CDH4: variants seen among roughly 807,000 people sequenced by gnomAD.
The protein encoded by CDH4 is cadherin-4.
CDH4 carries 33 observed loss-of-function variants against 86.0 expected under a neutral mutation model. That is an observed-to-expected ratio of 0.38 (90% CI 0.29 to 0.51). CDH4 has a LOEUF of 0.51. CDH4 is among the 20% of genes least tolerant of loss of function. CDH4 has a pLI of 0.86. For missense variants in CDH4, 1,114 were observed against 1,307.4 expected (o/e 0.85, Z 2.28); for synonymous variants, 555 against 549.4 (o/e 1.01, Z -0.14).
chr20:61,854,581 G>A (rs1982900441), intron 6 of CDH4, among the ~76,000 whole-genome samples: 1 of 148,750 alleles, frequency 6.7e-6, no homozygotes, highest in Non-Finnish European at 1.5e-5. Context: ...TGTGAACAGG[G>A]TGAATTGTGC....
intron 2 of CDH4, among the ~76,000 whole-genome samples, chr20:61,402,473 C>A (rs140738999): frequency 6.6e-6 from 1 of 152,144 alleles, no homozygotes; most frequent in Non-Finnish European, 1.5e-5. Flanking sequence ...TGGCTCACTG[C>A]AGCCTCCTCC....
chr20:61,329,975 A>G (rs1347188994), intron 2 of CDH4, among the ~76,000 whole-genome samples: 1 of 151,902 alleles, frequency 6.6e-6, no homozygotes, highest in Non-Finnish European at 1.5e-5. Flanking sequence ...TCTGAGGATA[A>G]TGGCTTCTGG....
At chr20:61,718,871 A>C (rs1213996529) in intron 2 of CDH4, 2 of 471,096 alleles carry the variant, frequency 4.2e-6, no homozygotes, top group South Asian at 3.1e-5. Context: ...TCCTGCTGTC[A>C]GGCTGGGGAT....
chr20:61,841,074 C>T (rs1347357710), intron 4 of CDH4, among the ~76,000 whole-genome samples: 1 of 152,234 alleles, frequency 6.6e-6, no homozygotes. Flanking sequence ...TACAACCCAT[C>T]CTTCCGGCTG....
At chr20:61,933,223 T>C (rs2055136151) in intron 14 of CDH4, 99 bp downstream of exon 14, 6 of 1,445,800 alleles carry the variant, frequency 4.1e-6, no homozygotes, top group Non-Finnish European at 5.7e-6. Flanking sequence ...AGTAAGACAT[T>C]TCAACCTTTT....
At chr20:61,770,084 G>A (rs1298708698) in intron 3 of CDH4, among the ~76,000 whole-genome samples, 9 of 152,240 alleles carry the variant, frequency 5.9e-5, no homozygotes, top group Non-Finnish European at 1.0e-4. Context: ...GCTGGGTTCC[G>A]GGGAGAATGT....
intron 6 of CDH4, among the ~76,000 whole-genome samples, chr20:61,861,260 G>A (rs887569040): frequency 6.6e-6 from 1 of 152,198 alleles, no homozygotes; most frequent in African/African-American, 2.4e-5. Context: ...GCGATCATGC[G>A]GTCATCACAG....
At position 61,681,001 on chromosome 20, in the gene CDH4, C is replaced by T. The variant is rs1036364147; in HGVS notation, c.170-62562C>T. Among the ~76,000 whole-genome samples the T allele has an allele frequency of 2.6e-5, 4 of 152,220 alleles. No individual in the cohort carries two copies. The highest frequency in any genetic ancestry group is 9.7e-5 in the African/African-American group (4 of 41,444). ...AATTCCTATTTGTTCCCTCCCTTTC[C>T]ACCCATTTCTTTGGGAAGACAAATA... On this transcript the variant is annotated intron_variant, in intron 2 of 15. Transcript: ENST00000614565. This position sits in a 1 kb window ranked among gnomAD's most constrained non-coding sequence, Gnocchi z 4.5.
chr20:61,669,348 C>G (rs2087361700), intron 2 of CDH4, among the ~76,000 whole-genome samples: 2 of 152,242 alleles, frequency 1.3e-5, no homozygotes, highest in African/African-American at 4.8e-5. Context: ...GGTCCACCAT[C>G]TGGTGACCGG....
Position 61,549,695 on chromosome 20 carries a change from C to G in CDH4, c.170-193868C>G, listed in dbSNP as rs890249025. Among the ~76,000 whole-genome samples, 3 of 152,174 alleles carry G rather than the reference C, an allele frequency of 2.0e-5. No homozygotes were observed. In the South Asian group the frequency reaches 6.2e-4, roughly 32 times the overall value. On this transcript the variant is annotated intron_variant, in intron 2 of 15. Coordinates refer to ENST00000614565, the MANE Select transcript of CDH4 (RefSeq NM_001794.5). ...GAAGCCTCCGGGATGTTATGTGCAC[C>G]GCTGGGGGCCAGGCAGTGTCAGAGA...
At chr20:61,548,599 A>C (rs2086105652) in intron 2 of CDH4, among the ~76,000 whole-genome samples, 2 of 152,204 alleles carry the variant, frequency 1.3e-5, no homozygotes, top group Non-Finnish European at 2.9e-5. Context: ...TAAAAAATTA[A>C]AGCATGTTTA....
At chr20:61,423,139 G>T (rs1416221859) in intron 2 of CDH4, among the ~76,000 whole-genome samples, 1 of 152,136 alleles carries the variant, frequency 6.6e-6, no homozygotes, top group Non-Finnish European at 1.5e-5. Context: ...GAGGGATGCT[G>T]GAAGCACAAT....
At chr20:61,620,745 T>C (rs1202418127) in intron 2 of CDH4, among the ~76,000 whole-genome samples, 1 of 152,244 alleles carries the variant, frequency 6.6e-6, no homozygotes, top group Non-Finnish European at 1.5e-5. Context: ...TTTGTTTCTT[T>C]GTGTTTGTTT....
chr20:61,531,722 G>T (rs976423025), intron 2 of CDH4, among the ~76,000 whole-genome samples: 2 of 152,196 alleles, frequency 1.3e-5, no homozygotes, highest in African/African-American at 4.8e-5. Flanking sequence ...GCCCCAGCTG[G>T]CAGGGGCCAC....
chr20:61,314,245 T>G (rs1422986581), intron 2 of CDH4, among the ~76,000 whole-genome samples: 2 of 152,176 alleles, frequency 1.3e-5, no homozygotes, highest in African/African-American at 4.8e-5. Flanking sequence ...GAACTGAAAC[T>G]TTGTCCCCTT....
At chr20:61,362,782 G>A (rs2084791222) in intron 2 of CDH4, among the ~76,000 whole-genome samples, 1 of 152,056 alleles carries the variant, frequency 6.6e-6, no homozygotes, top group Non-Finnish European at 1.5e-5. Context: ...AAGGAAGGAG[G>A]TGGCGAGAGG....
At chr20:61,748,088 G>A (rs2386940) in intron 3 of CDH4, among the ~76,000 whole-genome samples, 13,918 of 152,236 alleles carry the variant, frequency 0.091, 727 homozygotes, top group African/African-American at 0.11. Flanking sequence ...GAGCTGGGGC[G>A]TTGTGGGGGG....
At chr20:61,914,156 A>T (rs1228574583) in intron 9 of CDH4, among the ~76,000 whole-genome samples, 1 of 152,226 alleles carries the variant, frequency 6.6e-6, no homozygotes, top group African/African-American at 2.4e-5. Flanking sequence ...TGTGAAAGGA[A>T]GATGAAACCT....
chr20:61,873,597 CGA>C lies in CDH4; in HGVS notation c.878-127_878-126del, dbSNP rs1428352124. ...GCACTAACACCACCTCTGAACACGC[CGA>C]GAGGAAGGGGGTTCCGCTACGCCAG... On this transcript the variant is annotated intron_variant, in intron 6 of 15. Transcript: ENST00000614565. 12 of 917,038 alleles carry C rather than the reference CGA, an allele frequency of 1.3e-5. No homozygotes were observed. In the African/African-American group the frequency reaches 1.7e-4, roughly 13 times the overall value. The allele number at this position is 917,038 out of a possible 1,614,324, so 56.8% of individuals were successfully genotyped here.
Sources: gnomAD v4.1 joint callset for allele counts (sites outside exome capture counted in the v4.1 genomes callset) on GRCh38, gnomAD v4.1.1 for gene constraint, Gnocchi (gnomAD v3.1) non-coding constraint, MANE v1.5 for transcripts, NCBI Gene and HGNC (gene_info 2026-07-23, HGNC 2026-07-21) for gene names.